Variants in NBAS observed in about 807,000 individuals in gnomAD.
The protein encoded by NBAS is NBAS subunit of NRZ tethering complex, also known as NAG/BC035112 fusion.
A neutral mutation model predicts 302.5 loss-of-function variants in NBAS; 219 were observed. That is an observed-to-expected ratio of 0.72 (90% confidence interval 0.65 to 0.81). NBAS has a LOEUF of 0.81. NBAS is among the 30% of genes least tolerant of loss of function. NBAS has a pLI of 0.00. For synonymous variants in NBAS, 1,118 were observed against 1,021.6 expected (o/e 1.09, Z -1.80); for missense variants, 2,932 against 2,841.6 (o/e 1.03, Z -0.72).
At chr2:14,866,699 G>A in the NBAS span, among the ~76,000 whole-genome samples, 2 of 152,056 alleles carry the variant, frequency 1.3e-5, no homozygotes, top group African/African-American at 4.8e-5. Flanking sequence ...AGGTTATGTG[G>A]CTAAAACTGA....
At chr2:14,876,268 C>G in the NBAS span, among the ~76,000 whole-genome samples, 2 of 152,108 alleles carry the variant, frequency 1.3e-5, no homozygotes, top group African/African-American at 4.8e-5. Flanking sequence ...TCAAGTATGT[C>G]CATTCCAAAA....
rs561449669 is a variant in NBAS at position 15,188,842 on chromosome 2, A to T, written c.6572+1422T>A. ...TAGAGGTGTCATATTTTGAATTGGG[A>T]AATGAGGGTTAAGAAGAAATCTACA... On this transcript the variant is annotated intron_variant, in intron 49 of 51. Coordinates refer to ENST00000281513, the MANE Select transcript of NBAS (RefSeq NM_015909.4). Among the ~76,000 whole-genome samples, 4 of 152,346 alleles carry T rather than the reference A, an allele frequency of 2.6e-5. No homozygotes were observed. In the South Asian group the frequency reaches 8.3e-4, roughly 32 times the overall value.
chr2:14,799,547 A>G, the NBAS span, among the ~76,000 whole-genome samples: 1 of 151,852 alleles, frequency 6.6e-6, no homozygotes, highest in Non-Finnish European at 1.5e-5. Flanking sequence ...TGTTATTGGT[A>G]CTCTGTTCTA....
chr2:15,017,885 C>A, the NBAS span, among the ~76,000 whole-genome samples: 543 of 152,126 alleles, frequency 3.6e-3, 4 homozygotes, highest in Non-Finnish European at 6.0e-3. Flanking sequence ...GATATGGAAT[C>A]CACCAAGGTT....
the NBAS span, among the ~76,000 whole-genome samples, chr2:14,978,370 C>A: frequency 6.6e-6 from 1 of 152,172 alleles, no homozygotes; most frequent in Non-Finnish European, 1.5e-5. Context: ...CATCTTTACT[C>A]CTCTTTGAAG....
At chr2:15,040,954 C>A in the NBAS span, among the ~76,000 whole-genome samples, 7 of 152,340 alleles carry the variant, frequency 4.6e-5, no homozygotes, top group Non-Finnish European at 1.0e-4. Flanking sequence ...TGAGCTACTG[C>A]CTAATTAAAC....
At chr2:15,300,748 C>G (rs1246308038) in intron 40 of NBAS, among the ~76,000 whole-genome samples, 1 of 152,156 alleles carries the variant, frequency 6.6e-6, no homozygotes, top group Non-Finnish European at 1.5e-5. Flanking sequence ...GACTGTCATC[C>G]TAAAATAACT....
the NBAS span, among the ~76,000 whole-genome samples, chr2:14,981,138 C>T: frequency 6.6e-6 from 1 of 151,956 alleles, no homozygotes; most frequent in Non-Finnish European, 1.5e-5. Flanking sequence ...ATATGAGTTT[C>T]AAGACTGTAA....
the NBAS span, among the ~76,000 whole-genome samples, chr2:15,056,815 C>T: frequency 6.7e-6 from 1 of 148,522 alleles, no homozygotes; most frequent in Non-Finnish European, 1.5e-5. Context: ...GCCCTAATTT[C>T]CCTTTTCTTT....
the NBAS span, among the ~76,000 whole-genome samples, chr2:14,848,191 C>G: frequency 6.6e-6 from 1 of 151,622 alleles, no homozygotes; most frequent in Admixed American, 6.6e-5. Flanking sequence ...TAGGGAGTTC[C>G]AGAGAGTGGG....
At chr2:14,805,152 A>G in the NBAS span, among the ~76,000 whole-genome samples, 1 of 152,220 alleles carries the variant, frequency 6.6e-6, no homozygotes, top group Non-Finnish European at 1.5e-5. Context: ...AAATATCAGC[A>G]CAATGTGACA....
chr2:15,134,056 T>C, the NBAS span, among the ~76,000 whole-genome samples: 37 of 145,792 alleles, frequency 2.5e-4, no homozygotes, highest in African/African-American at 7.9e-4. Flanking sequence ...GAACATTTCT[T>C]TCTCTCTCTC....
chr2:14,805,723 C>G, the NBAS span, among the ~76,000 whole-genome samples: 1 of 152,142 alleles, frequency 6.6e-6, no homozygotes, highest in Non-Finnish European at 1.5e-5. Context: ...CCACTGCAAC[C>G]CATACAGATA....
At chr2:14,939,368 T>C in the NBAS span, among the ~76,000 whole-genome samples, 2 of 152,262 alleles carry the variant, frequency 1.3e-5, no homozygotes, top group African/African-American at 4.8e-5. Context: ...AGAAAAGCCA[T>C]TCTTTAGATG....
chr2:15,164,824 T>C (rs572890603), downstream of NBAS, among the ~76,000 whole-genome samples: 1 of 152,210 alleles, frequency 6.6e-6, no homozygotes, highest in Non-Finnish European at 1.5e-5. Context: ...TCCTTCTTTT[T>C]CTCTTCCCCC....
At position 15,287,139 on chromosome 2, in the gene NBAS, T is replaced by C. The variant is rs1015783714; in HGVS notation, c.5072A>G (p.Gln1691Arg). 9 of 1,613,978 alleles carry C rather than the reference T, an allele frequency of 5.6e-6. No homozygotes were observed. Among genetic ancestry groups the C allele is most frequent in the Admixed American group, 3.3e-5 (2 of 60,002 alleles). Residue 1691 changes from glutamine to arginine, a missense_variant, in exon 42 of 52, where the codon CAA becomes CGA. By Grantham distance (43) the Gln-to-Arg change is conservative. Coordinates refer to ENST00000281513, the MANE Select transcript of NBAS (RefSeq NM_015909.4). ...SVYSIAISLAQRYSVSRWEVF... is the reference protein window; with the variant it reads ...SVYSIAISLARRYSVSRWEVF... The stretch of plus-strand genomic sequence containing the variant: ...TTCCCAGCGGGAGACACTGTAACGT[T>C]GTGCCAGAGAAATAGCAATGCTGTA...
At chr2:15,118,763 T>G in the NBAS span, among the ~76,000 whole-genome samples, 1 of 152,106 alleles carries the variant, frequency 6.6e-6, no homozygotes, top group Non-Finnish European at 1.5e-5. Flanking sequence ...GTCTGAGTTG[T>G]CCCAGTCCCA....
At chr2:15,049,377 C>T in the NBAS span, among the ~76,000 whole-genome samples, 2 of 152,186 alleles carry the variant, frequency 1.3e-5, no homozygotes, top group African/African-American at 2.4e-5. Flanking sequence ...CTCTCTGGGG[C>T]CTTGCCTTCT....
rs370019923 is a variant in NBAS at position 15,327,773 on chromosome 2, C to T, written c.4559G>A (p.Gly1520Glu). The T allele has an allele frequency of 6.2e-7, 1 of 1,613,594 alleles. No individual in the cohort carries two copies. Among genetic ancestry groups the T allele is most frequent in the African/African-American group, 1.3e-5 (1 of 74,894 alleles). The change falls in exon 38 of 52, where the codon GGA (glycine) becomes GAA (glutamate). Residue 1520 changes from glycine (G) to glutamate (E), a missense_variant. Gly to Glu is a moderately conservative substitution (Grantham distance 98, BLOSUM62 -2). Transcript: ENST00000281513. ...TGKLAEAKNK[G>E]EVFPTTEVLL... ...ACCTTCAGTTGTTGGAAATACTTCT[C>T]CTTTATTTTTAGCCTCTGCCAATTT...
Sources: gnomAD v4.1 joint callset for allele counts (sites outside exome capture counted in the v4.1 genomes callset) on GRCh38, gnomAD v4.1.1 for gene constraint, MANE v1.5 for transcripts, NCBI Gene and HGNC (gene_info 2026-07-23, HGNC 2026-07-21) for gene names.